The following POLN variants were observed in gnomAD, a reference collection of about 807,000 sequenced individuals.
POLN encodes DNA polymerase nu, also known as DNA polymerase N.
A neutral mutation model predicts 113.5 loss-of-function variants in POLN; 108 were observed. That is an observed-to-expected ratio of 0.95 (90% CI 0.81 to 1.12). The LOEUF is 1.12. Among genes scored for constraint, POLN ranks in the 50% most tolerant of loss-of-function variants. The pLI, the probability that POLN is intolerant of heterozygous loss-of-function variation, is 0.00. For missense variants in POLN, 1,097 were observed against 1,077.1 expected, an observed-to-expected ratio of 1.02 and a Z score of -0.26; for synonymous variants, 386 against 391.5, an observed-to-expected ratio of 0.99 and a Z score of 0.17.
At chr4:2,234,306 G>C (rs1734682672) in intron 2 of POLN, 1 of 152,338 alleles carries the variant, frequency 6.6e-6, no homozygotes, top group Non-Finnish European at 1.5e-5. Flanking sequence ...CCATTTGACA[G>C]CCACTTTGTC....
chr4:2,223,171 C>T (rs1231332180), intron 3 of POLN, among the ~76,000 whole-genome samples: 1 of 152,148 alleles, frequency 6.6e-6, no homozygotes, highest in African/African-American at 2.4e-5. Context: ...GCCATAATTA[C>T]AGTCATGCAG....
At chr4:2,206,531 T>C (rs1436150678) in intron 5 of POLN, among the ~76,000 whole-genome samples, 2 of 152,010 alleles carry the variant, frequency 1.3e-5, no homozygotes, top group African/African-American at 4.8e-5. Flanking sequence ...GAATCTACAA[T>C]GACTCAAACA....
chr4:2,088,972 TG>T, intron 20 of POLN: 1 of 909,452 alleles, frequency 1.1e-6, no homozygotes, highest in Non-Finnish European at 1.7e-6. Flanking sequence ...GAGAAAAAGG[TG>T]GTTTCCTAGT....
chr4:2,182,952 C>G (rs1026912185), intron 7 of POLN, among the ~76,000 whole-genome samples: 101 of 151,914 alleles, frequency 6.6e-4, no homozygotes, highest in African/African-American at 2.3e-3. Context: ...ATAATTCTTA[C>G]AAATAAACAA....
intron 7 of POLN, among the ~76,000 whole-genome samples, chr4:2,190,476 A>AT (rs57891968): frequency 0.051 from 7,538 of 147,638 alleles, 627 homozygotes; most frequent in African/African-American, 0.17. Context: ...CTGGGCAATG[A>AT]TTTTTTTTTT....
chr4:2,072,105 T>C lies in POLN; in HGVS notation c.*9A>G. On this transcript the variant is annotated 3_prime_UTR_variant, in exon 26 of 26. Transcript: ENST00000511885. ...GAAACCAGTTCTCTCCTCCCACTGT[T>C]GCCTGGGGCTACAGACAAAATGAAG... 6.2e-7 allele frequency: 1 copy of C among 1,612,222 alleles called. No homozygotes were observed. The highest frequency in any genetic ancestry group is 1.3e-5 in the African/African-American group (1 of 74,876).
chr4:2,098,692 C>T (rs1730853947), intron 19 of POLN, among the ~76,000 whole-genome samples: 1 of 152,210 alleles, frequency 6.6e-6, no homozygotes, highest in South Asian at 2.1e-4. Flanking sequence ...TGCACAACTT[C>T]TTGTTCTGTC....
chr4:2,147,643 C>CTTTCTTTTTTTT (rs1553897843), intron 16 of POLN, among the ~76,000 whole-genome samples: 2 of 79,360 alleles, frequency 2.5e-5, no homozygotes, highest in African/African-American at 8.3e-5. Flanking sequence ...TTTTTCTTTT[C>CTTTCTTTTTTTT]TTTTTTTTTT....
chr4:2,159,348 CAA>C (rs1732520776), intron 13 of POLN, 137 bp from the exon 14 acceptor site: 1 of 693,710 alleles, frequency 1.4e-6, no homozygotes, highest in South Asian at 1.9e-5. Context: ...ATAATAAACT[CAA>C]GTTTATCAAG....
intron 7 of POLN, among the ~76,000 whole-genome samples, chr4:2,184,905 T>G (rs890201211): frequency 1.3e-5 from 2 of 152,268 alleles, no homozygotes; most frequent in Non-Finnish European, 2.9e-5. Context: ...AGGCTTTTTT[T>G]GATCACCTTT....
intron 20 of POLN, among the ~76,000 whole-genome samples, chr4:2,092,035 G>A (rs1730679505): frequency 6.6e-6 from 1 of 152,210 alleles, no homozygotes; most frequent in African/African-American, 2.4e-5. Flanking sequence ...GGGTGTTGCT[G>A]CTCTGGGCCA....
chr4:2,141,296 G>A (rs768931682), intron 16 of POLN, among the ~76,000 whole-genome samples: 22 of 152,208 alleles, frequency 1.4e-4, no homozygotes, highest in Non-Finnish European at 2.8e-4. Context: ...AAAGCACTTG[G>A]TCAGTGTGGC....
chr4:2,217,945 C>T (rs549214031), intron 3 of POLN, among the ~76,000 whole-genome samples: 1 of 152,336 alleles, frequency 6.6e-6, no homozygotes, highest in South Asian at 2.1e-4. Flanking sequence ...TGTGGTTAAC[C>T]ACGTTGCAGG....
At chr4:2,085,551 T>TC in intron 21 of POLN, 62 bp downstream of exon 21, 3 of 1,598,994 alleles carry the variant, frequency 1.9e-6, no homozygotes, top group Non-Finnish European at 8.5e-7. Flanking sequence ...CACGCAGCTG[T>TC]CCCCCCATCC....
At chr4:2,128,441 G>A (rs1731639152) in intron 18 of POLN, among the ~76,000 whole-genome samples, 1 of 152,196 alleles carries the variant, frequency 6.6e-6, no homozygotes, top group South Asian at 2.1e-4. Flanking sequence ...GAGTGAGTGA[G>A]AATGTGTGCG....
chr4:2,107,191 C>T (rs959904719), intron 19 of POLN, among the ~76,000 whole-genome samples: 7 of 152,112 alleles, frequency 4.6e-5, no homozygotes, highest in African/African-American at 1.4e-4. Flanking sequence ...TGTGCCTAGT[C>T]TTCTTCCAGG....
intron 4 of POLN, among the ~76,000 whole-genome samples, chr4:2,211,185 G>T (rs1231517486): frequency 6.7e-6 from 1 of 148,580 alleles, no homozygotes; most frequent in Non-Finnish European, 1.5e-5. Context: ...GGAGGCGGAG[G>T]TTGCAGTGAG....
rs769685887 is a variant in POLN, at chr4:2,157,845, T to C, written c.1665+13A>G. 1.3e-6 allele frequency: 2 copies of C among 1,589,858 alleles called. No homozygotes were observed. The highest frequency in any genetic ancestry group is 1.1e-5 in the South Asian group (1 of 89,970). On this transcript the variant is annotated intron_variant, in intron 15 of 25. Coordinates refer to ENST00000511885, the MANE Select transcript of POLN (RefSeq NM_181808.4). The stretch of plus-strand genomic sequence containing the variant: ...CAGTCCTAATCACAGTATCTTTTTG[T>C]AAAGCTTGTTACCTTTTTCATGCAA...
In POLN at chr4:2,188,322, C is replaced by G. The variant is rs572943742; in HGVS notation, c.1021+4882G>C. Among the ~76,000 whole-genome samples the G allele has an allele frequency of 2.1e-3, 317 of 152,242 alleles. 2 individuals are homozygous for G. Among genetic ancestry groups the G allele is most frequent in the African/African-American group, 7.4e-3 (307 of 41,538 alleles). On this transcript the variant is annotated intron_variant, in intron 7 of 25. Coordinates refer to ENST00000511885, the MANE Select transcript of POLN (RefSeq NM_181808.4). ...CAATCTGAAAGAAAAAAACACGGGC[C>G]GGGCGCAGTGGCTCACGCCTGTAAT...
Sources: allele counts gnomAD v4.1 joint callset (sites outside exome capture counted in the v4.1 genomes callset), GRCh38; gene constraint gnomAD v4.1.1; transcripts MANE v1.5; gene names NCBI Gene and HGNC (gene_info 2026-07-23, HGNC 2026-07-21).